The following DMD variants were observed in gnomAD, a reference collection of about 807,000 sequenced individuals.
DMD encodes dystrophin.
In DMD, 63 loss-of-function variants were observed where a neutral mutation model predicts 330.1. The observed-to-expected ratio is 0.19, with a 90% CI of 0.16 to 0.24. The LOEUF is 0.24. DMD is among the 10% of genes least tolerant of loss of function. DMD has a pLI of 1.00. For synonymous variants in DMD, 1,223 were observed against 959.8 expected, an observed-to-expected ratio of 1.27 and a Z score of -5.07; for missense variants, 3,344 against 2,684.1, an observed-to-expected ratio of 1.25 and a Z score of -5.43.
intron 19 of DMD, among the ~76,000 whole-genome samples, chrX:32,495,234 C>T (rs1009068938): frequency 2.2e-4 from 25 of 111,733 alleles, no homozygotes; most frequent in African/African-American, 7.8e-4. Context: ...TCCTTCTAAA[C>T]TATAAACTCC....
At chrX:33,300,814 A>C (rs1331176766) in intron 1 of DMD, among the ~76,000 whole-genome samples, 4 of 111,756 alleles carry the variant, frequency 3.6e-5, no homozygotes, top group Non-Finnish European at 7.5e-5. Context: ...TTTGGGGAAG[A>C]TTTTGGCAGT....
intron 47 of DMD, among the ~76,000 whole-genome samples, chrX:31,905,774 A>G (rs1269533293): frequency 1.8e-5 from 2 of 111,859 alleles, no homozygotes; most frequent in Non-Finnish European, 3.8e-5. Flanking sequence ...GTTGATGAAG[A>G]CATGTTGGAA....
rs748109441 is a variant in DMD, at chrX:33,093,529, G to C, written c.32-73329C>G. 2.2e-3 allele frequency among the ~76,000 whole-genome samples: 245 copies of C among 111,660 alleles called. 2 individuals carry two copies. The highest frequency in any genetic ancestry group is 4.7e-3 in the Middle Eastern group (1 of 212). On this transcript the variant is annotated intron_variant, in intron 1 of 78. Coordinates refer to ENST00000357033, the MANE Select transcript of DMD (RefSeq NM_004006.3). Reference sequence around the variant, plus strand: ...GGCCTTAAATCTGCATACATATTTGGCTCTAGTCAATTATATATATACTTC... The same window carrying C: ...GGCCTTAAATCTGCATACATATTTGCCTCTAGTCAATTATATATATACTTC...
At chrX:32,789,560 T>C (rs1368671738) in intron 7 of DMD, among the ~76,000 whole-genome samples, 1 of 112,049 alleles carries the variant, frequency 8.9e-6, no homozygotes, top group Admixed American at 9.5e-5. Context: ...ACCGATTTTA[T>C]TGGACAGTCT....
intron 18 of DMD, among the ~76,000 whole-genome samples, chrX:32,512,958 G>A (rs963450587): frequency 3.6e-5 from 4 of 111,932 alleles, no homozygotes; most frequent in African/African-American, 1.3e-4. Flanking sequence ...ATGGCAGGAG[G>A]AATGCAGAGA....
intron 45 of DMD, among the ~76,000 whole-genome samples, chrX:31,937,951 GCT>G (rs2094944710): frequency 9.0e-6 from 1 of 111,652 alleles, no homozygotes; most frequent in African/African-American, 3.2e-5. Flanking sequence ...TGAAATATTG[GCT>G]CTGTTACCAT....
chrX:32,254,195 A>G (rs1030568910), intron 43 of DMD, among the ~76,000 whole-genome samples: 7 of 110,666 alleles, frequency 6.3e-5, no homozygotes, highest in Non-Finnish European at 9.5e-5. Flanking sequence ...GCATGCGCCA[A>G]CACGCCTGGC....
intron 65 of DMD, among the ~76,000 whole-genome samples, chrX:31,207,904 G>A (rs763988577): frequency 3.6e-5 from 4 of 111,141 alleles, no homozygotes; most frequent in East Asian, 2.8e-4. Flanking sequence ...AGGCATAAAT[G>A]GGTTAATACC....
At chrX:32,648,907 T>A (rs1336980809) in intron 9 of DMD, among the ~76,000 whole-genome samples, 2 of 111,638 alleles carry the variant, frequency 1.8e-5, no homozygotes, top group Non-Finnish European at 3.8e-5. Context: ...AGTTGGTTTT[T>A]GTTCTTTATA....
At chrX:32,496,638 T>C (rs150145960) in intron 19 of DMD, among the ~76,000 whole-genome samples, 340 of 112,702 alleles carry the variant, frequency 3.0e-3, no homozygotes, top group Non-Finnish European at 5.2e-3. Flanking sequence ...TCTCTTTCTT[T>C]CACACACATG....
chrX:31,986,298 T>C (rs1166933115), intron 44 of DMD, among the ~76,000 whole-genome samples: 1 of 111,970 alleles, frequency 8.9e-6, no homozygotes, highest in African/African-American at 3.2e-5. Context: ...ATGATAAAAT[T>C]TTTTTTGTAC....
At chrX:32,644,896 G>T in intron 10 of DMD, 68 bp downstream of exon 10, 1 of 1,137,496 alleles carries the variant, frequency 8.8e-7, no homozygotes. Flanking sequence ...GAGTAATTGA[G>T]GAAAAAGGAT....
At chrX:31,970,034 T>C (rs921278530) in intron 44 of DMD, among the ~76,000 whole-genome samples, 1 of 112,011 alleles carries the variant, frequency 8.9e-6, no homozygotes, top group Non-Finnish European at 1.9e-5. Context: ...GTCTATATAT[T>C]AGGTTGGTGC....
chrX:32,818,420 T>C (rs1263623895), intron 5 of DMD, among the ~76,000 whole-genome samples: 1 of 111,422 alleles, frequency 9.0e-6, no homozygotes, highest in Admixed American at 9.6e-5. Context: ...TAATCATGTC[T>C]CCTTTTCCTA....
At chrX:32,796,378 C>T (rs1162331927) in intron 7 of DMD, among the ~76,000 whole-genome samples, 2 of 111,333 alleles carry the variant, frequency 1.8e-5, no homozygotes, top group African/African-American at 6.5e-5. Context: ...ATAGATTTTA[C>T]ATTTTCTTAC....
chrX:31,481,490 T>G (rs754464969), intron 57 of DMD, among the ~76,000 whole-genome samples: 5 of 111,559 alleles, frequency 4.5e-5, no homozygotes, highest in Non-Finnish European at 9.4e-5. Context: ...GTGTGAAAAT[T>G]TGGTGACTGA....
chrX:33,326,258 A>AC (rs1242171997), intron 1 of DMD, among the ~76,000 whole-genome samples: 1 of 111,024 alleles, frequency 9.0e-6, no homozygotes, highest in Non-Finnish European at 1.9e-5. Flanking sequence ...AAGGGTAAAA[A>AC]AAAAAAAAGA....
At chrX:31,809,027 T>C (rs1197000261) in intron 50 of DMD, among the ~76,000 whole-genome samples, 1 of 108,828 alleles carries the variant, frequency 9.2e-6, no homozygotes, top group Non-Finnish European at 1.9e-5. Context: ...TAAAGAAGAG[T>C]CCTGGGAAAA....
At position 32,343,045 on chromosome X, in the gene DMD, A is replaced by T. The variant is rs952067009; in HGVS notation, c.5739+89T>A. 3.1e-6 allele frequency: 3 copies of T among 957,243 alleles called. No homozygotes were observed. In the African/African-American group the frequency reaches 5.7e-5, roughly 18 times the overall value. The allele number at this position is 957,243 out of a possible 1,213,427, so 78.9% of individuals were successfully genotyped here. A position where few individuals can be genotyped will look rare whatever the true frequency, so the allele number is the denominator to read the frequency against. On this transcript the variant is annotated intron_variant, in intron 40 of 78. Transcript: ENST00000357033. ...CAAATCAAAGAGAACGTTAATAGAA[A>T]CAAGAACATCAACATTTTAAATATG...
Sources: gnomAD v4.1 joint callset for allele counts (sites outside exome capture counted in the v4.1 genomes callset) on GRCh38, gnomAD v4.1.1 for gene constraint, MANE v1.5 for transcripts, NCBI Gene and HGNC (gene_info 2026-07-23, HGNC 2026-07-21) for gene names.